The following FBXW11 variants were observed in gnomAD, a reference collection of about 807,000 sequenced individuals.
FBXW11 encodes the protein F-box and WD repeat domain containing 11.
FBXW11 carries 19 observed loss-of-function variants against 77.6 expected under a neutral mutation model. The ratio of observed to expected loss-of-function variants is 0.24; its 90% CI spans 0.17 to 0.36. The LOEUF (loss-of-function observed/expected upper bound fraction) is 0.36. FBXW11 is among the 10% of genes least tolerant of loss of function. The probability of loss-of-function intolerance (pLI) is 1.00; values close to 1 mark genes in which losing one functional copy is unlikely to be tolerated. For missense variants in FBXW11, 334 were observed against 704.2 expected (o/e 0.47, Z 5.95); for synonymous variants, 235 against 249.4 (o/e 0.94, Z 0.54).
At chr5:171,930,882 T>C (rs1167196209) in intron 2 of FBXW11, among the ~76,000 whole-genome samples, 2 of 151,672 alleles carry the variant, frequency 1.3e-5, no homozygotes, top group African/African-American at 4.8e-5. Context: ...CTTTCCTATA[T>C]ACCAGCAATG....
chr5:172,004,897 G>C (rs1766640834), intron 1 of FBXW11, among the ~76,000 whole-genome samples: 1 of 117,170 alleles, frequency 8.5e-6, no homozygotes, highest in East Asian at 2.4e-4. Flanking sequence ...ACACACGCAT[G>C]CAAAAATCAA....
intron 1 of FBXW11, among the ~76,000 whole-genome samples, chr5:171,968,089 T>A (rs767930691): frequency 2.2e-4 from 34 of 152,046 alleles, no homozygotes; most frequent in Non-Finnish European, 3.5e-4. Flanking sequence ...GATCTTATCA[T>A]AGCAACTTGC....
At chr5:171,900,172 A>G (rs1263815394) in intron 4 of FBXW11, 72 bp from the exon 5 acceptor site, 1 of 1,301,988 alleles carries the variant, frequency 7.7e-7, no homozygotes, top group Non-Finnish European at 1.1e-6. Context: ...TTCCTTAAAG[A>G]TAAGAGGAAT....
chr5:171,913,092 A>T (rs1394205838), intron 3 of FBXW11, among the ~76,000 whole-genome samples: 1 of 152,126 alleles, frequency 6.6e-6, no homozygotes, highest in Non-Finnish European at 1.5e-5. Flanking sequence ...ATCTTAAGAA[A>T]AAAAACTATG....
At chr5:171,950,918 A>T (rs1484869842) in intron 2 of FBXW11, among the ~76,000 whole-genome samples, 1 of 151,952 alleles carries the variant, frequency 6.6e-6, no homozygotes, top group East Asian at 1.9e-4. Context: ...ATTTTTTTTT[A>T]ATTTAAATGA....
intron 2 of FBXW11, among the ~76,000 whole-genome samples, chr5:171,938,962 G>A (rs1292337180): frequency 2.0e-5 from 3 of 152,170 alleles, no homozygotes; most frequent in African/African-American, 2.4e-5. Flanking sequence ...TAGGCCAGGC[G>A]CAGTGGCTCA....
intron 2 of FBXW11, among the ~76,000 whole-genome samples, chr5:171,929,634 G>A (rs531952759): frequency 4.0e-5 from 6 of 151,850 alleles, no homozygotes; most frequent in Middle Eastern, 3.2e-3. Context: ...GGCAGATCAC[G>A]AGGTCAGGAG....
intron 1 of FBXW11, among the ~76,000 whole-genome samples, chr5:171,994,037 T>G (rs1765895877): frequency 6.6e-6 from 1 of 152,178 alleles, no homozygotes; most frequent in African/African-American, 2.4e-5. Context: ...CAGCCCGAGA[T>G]GGCTAATGCA....
At chr5:171,982,086 GCAGTAGT>G (rs1765177598) in intron 1 of FBXW11, among the ~76,000 whole-genome samples, 1 of 152,124 alleles carries the variant, frequency 6.6e-6, no homozygotes, top group African/African-American at 2.4e-5. Context: ...TATCTTGATA[GCAGTAGT>G]GGTTATGTGA....
intron 1 of FBXW11, among the ~76,000 whole-genome samples, chr5:171,979,057 C>G (rs1361995538): frequency 6.6e-6 from 1 of 152,074 alleles, no homozygotes; most frequent in Non-Finnish European, 1.5e-5. Flanking sequence ...AAACCTTTGG[C>G]TATATGAAAT....
At chr5:171,874,542 G>T (rs1458054730) in intron 9 of FBXW11, among the ~76,000 whole-genome samples, 1 of 152,106 alleles carries the variant, frequency 6.6e-6, no homozygotes, top group Non-Finnish European at 1.5e-5. Context: ...CCAATGCAAA[G>T]CCTGATGCTA....
chr5:171,896,928 CTA>C (rs1285926124), intron 6 of FBXW11, among the ~76,000 whole-genome samples: 1 of 152,004 alleles, frequency 6.6e-6, no homozygotes. Context: ...ACATAAAACT[CTA>C]TATATTCTGT....
At chr5:171,931,903 C>T (rs889023805) in intron 2 of FBXW11, among the ~76,000 whole-genome samples, 16 of 137,736 alleles carry the variant, frequency 1.2e-4, no homozygotes, top group Non-Finnish European at 1.7e-4. Flanking sequence ...CTCACAGGGT[C>T]TCACTCTGTC....
chr5:171,947,742 G>A (rs138602685), intron 2 of FBXW11, among the ~76,000 whole-genome samples: 4 of 151,692 alleles, frequency 2.6e-5, no homozygotes, highest in Admixed American at 1.3e-4. Context: ...ATAGGGAGAC[G>A]CCATCTCTAC....
At position 171,923,097 on chromosome 5, in the gene FBXW11, A is replaced by T. The variant is rs573300856; in HGVS notation, c.148-8692T>A. Among the ~76,000 whole-genome samples the T allele has an allele frequency of 7.2e-5, 11 of 152,274 alleles. No individual in the cohort carries two copies. The East Asian group carries it at 2.1e-3, about 29-fold the overall frequency. On this transcript the variant is annotated intron_variant, in intron 2 of 13. Transcript: ENST00000517395. ...GCCCGGCTAATTTTGTATTTTTAAT[A>T]GAGATGGGGTTTCGTCATGTTGGCC...
intron 11 of FBXW11, among the ~76,000 whole-genome samples, chr5:171,870,396 C>T (rs918999952): frequency 6.6e-6 from 1 of 152,010 alleles, no homozygotes; most frequent in Non-Finnish European, 1.5e-5. Context: ...CGAACACACA[C>T]ACACACACAC....
At chr5:171,946,239 C>T (rs1409383220) in intron 2 of FBXW11, among the ~76,000 whole-genome samples, 1 of 152,148 alleles carries the variant, frequency 6.6e-6, no homozygotes, top group Admixed American at 6.6e-5. Flanking sequence ...GAGTCAGTTT[C>T]CTAAAATATC....
At chr5:171,877,636 A>T (rs1034311751) in intron 8 of FBXW11, among the ~76,000 whole-genome samples, 1 of 152,008 alleles carries the variant, frequency 6.6e-6, no homozygotes, top group Non-Finnish European at 1.5e-5. Flanking sequence ...GAGGATACTA[A>T]GCATGCTTCA....
At chr5:171,965,712 A>G (rs1417830139) in intron 1 of FBXW11, among the ~76,000 whole-genome samples, 1 of 152,152 alleles carries the variant, frequency 6.6e-6, no homozygotes, top group Non-Finnish European at 1.5e-5. Flanking sequence ...TAATAATACC[A>G]AGTATAATTT....
Sources: gnomAD v4.1 joint callset for allele counts (sites outside exome capture counted in the v4.1 genomes callset) on GRCh38, gnomAD v4.1.1 for gene constraint, MANE v1.5 for transcripts, NCBI Gene and HGNC (gene_info 2026-07-23, HGNC 2026-07-21) for gene names.